The following CCDC154 variants were observed in gnomAD, a reference collection of about 807,000 sequenced individuals.
CCDC154 encodes coiled-coil domain containing 154.
In CCDC154, 91 loss-of-function variants were observed where a neutral mutation model predicts 87.5. The ratio of observed to expected loss-of-function variants is 1.04; its 90% confidence interval spans 0.88 to 1.24. The LOEUF (loss-of-function observed/expected upper bound fraction) is 1.24. Among genes scored for constraint, CCDC154 ranks in the 50% most tolerant of loss-of-function variants. The pLI is 0.00. For synonymous variants in CCDC154, 418 were observed against 400.4 expected (o/e 1.04, Z -0.52); for missense variants, 903 against 879.2 (o/e 1.03, Z -0.34).
At position 1,444,024 on chromosome 16, in the gene CCDC154, C is replaced by T. The variant is rs1488755893; in HGVS notation, c.8-12G>A. 4.6e-6 allele frequency: 6 copies of T among 1,296,286 alleles called. No homozygotes were observed. The highest frequency in any genetic ancestry group is 1.5e-5 in the African/African-American group (1 of 65,842). The allele number at this position is 1,296,286 out of a possible 1,614,324, so 80.3% of individuals were successfully genotyped here. ...ACTGTCAGCCAACTCTACAAGGAGGCATCTTGGGAGCTTGCCCCTTGGGGC... is the reference window on the plus strand; with the variant it reads ...ACTGTCAGCCAACTCTACAAGGAGGTATCTTGGGAGCTTGCCCCTTGGGGC... On this transcript the variant is annotated splice_polypyrimidine_tract_variant and intron_variant, in intron 1 of 16. Transcript: ENST00000389176.
intron 6 of CCDC154, among the ~76,000 whole-genome samples, chr16:1,442,188 T>C (rs568836789): frequency 7.1e-4 from 108 of 152,340 alleles, no homozygotes; most frequent in African/African-American, 2.4e-3. Flanking sequence ...AGTGCTGGGA[T>C]TACAGGCGTG....
chr16:1,442,459 T>C lies in CCDC154; in HGVS notation c.622A>G (p.Lys208Glu). Residue 208 changes from lysine to glutamate, a missense_variant, in exon 6 of 17, where the codon AAG becomes GAG. By Grantham distance (56) the Lys-to-Glu change is moderately conservative. Transcript: ENST00000389176. ...CTCCGGCTGCTGTCCTCTTGGTTCT[T>C]CTGCAGGGCGCCGCAGGCCACCTCC... Reference protein sequence around the residue: ...GREVACGALQKNQEDSSRRVD... With the variant: ...GREVACGALQENQEDSSRRVD... 6.5e-7 allele frequency: 1 copy of C among 1,550,154 alleles called. No individual in the cohort carries two copies. Among genetic ancestry groups the C allele is most frequent in the African/African-American group, 1.4e-5 (1 of 73,148 alleles).
At chr16:1,441,498 G>A (rs970672453) in intron 6 of CCDC154, among the ~76,000 whole-genome samples, 2 of 152,152 alleles carry the variant, frequency 1.3e-5, no homozygotes, top group African/African-American at 2.4e-5. Flanking sequence ...CACCCACAGC[G>A]GAGGCCCCTG....
rs928278647 is a variant in CCDC154 at position 1,444,010 on chromosome 16, A to G, written c.10T>C (p.Leu4=). The change falls in exon 2 of 17, where the codon TTG becomes CTG. Residue 4 remains leucine (L), a splice_region_variant and synonymous_variant. Transcript: ENST00000389176. The stretch of plus-strand genomic sequence containing the variant: ...GCCCCTGAGGGTCCACTGTCAGCCA[A>G]CTCTACAAGGAGGCATCTTGGGAGC... MSE[L]ADSGPSGASA... The G allele has an allele frequency of 6.4e-5, 83 of 1,298,802 alleles. No homozygotes were observed. Among genetic ancestry groups the G allele is most frequent in the Non-Finnish European group, 8.2e-5 (81 of 988,830 alleles). 80.5% of individuals were successfully genotyped at this position (1,298,802 alleles called of 1,614,324 possible).
rs775898545 is a variant in CCDC154, at chr16:1,443,706, C to T, written c.225-11G>A. 5.6e-4 allele frequency: 721 copies of T among 1,293,592 alleles called. No homozygotes were observed. Among genetic ancestry groups the T allele is most frequent in the Admixed American group, 7.7e-4 (33 of 42,928 alleles). 80.1% of individuals were successfully genotyped at this position (1,293,592 alleles called of 1,614,324 possible). On this transcript the variant is annotated splice_polypyrimidine_tract_variant and intron_variant, in intron 2 of 16. Transcript: ENST00000389176. ...TGCAGCTCCACCACCCTGGCCGGGG[C>T]GAGAGTGGGCGAGTCTGGCGGTGCC... is the stretch of plus-strand genomic sequence containing the variant.
chr16:1,442,829 CA>C, intron 5 of CCDC154, 50 bp downstream of exon 5: 1 of 1,507,542 alleles, frequency 6.6e-7, no homozygotes, highest in Non-Finnish European at 9.0e-7. Context: ...CAGGGACTCT[CA>C]AATGACCCCA....
Position 1,434,650 on chromosome 16 carries a change from G to A in CCDC154, c.1877+18C>T, listed in dbSNP as rs536424653. On this transcript the variant is annotated intron_variant, in intron 16 of 16. Coordinates refer to ENST00000389176, the MANE Select transcript of CCDC154 (RefSeq NM_001143980.3). Reference sequence around the variant, plus strand: ...GCCCAAAGGCCCAGGAGGCCGCGCCGGGATCCCTGCTGCCCACCTCACAGC... The same window carrying A: ...GCCCAAAGGCCCAGGAGGCCGCGCCAGGATCCCTGCTGCCCACCTCACAGC... 114 of 1,487,738 alleles carry A rather than the reference G, an allele frequency of 7.7e-5. No homozygotes were observed. The highest frequency in any genetic ancestry group is 3.1e-4 in the Admixed American group (15 of 48,814). The allele number at this position is 1,487,738 out of a possible 1,614,324, so 92.2% of individuals were successfully genotyped here. A position where few individuals can be genotyped will look rare whatever the true frequency, so the allele number is the denominator to read the frequency against.
At chr16:1,437,784 G>A in intron 11 of CCDC154, 33 bp downstream of exon 11, 3 of 1,509,606 alleles carry the variant, frequency 2.0e-6, no homozygotes, top group Non-Finnish European at 2.7e-6. Context: ...ACTCCCCATA[G>A]CCCCGCCTGC....
At chr16:1,435,232 C>T in intron 14 of CCDC154, 57 bp from the exon 15 acceptor site, 1 of 1,434,996 alleles carries the variant, frequency 7.0e-7, no homozygotes, top group South Asian at 1.2e-5. Flanking sequence ...ATCCTGCTGT[C>T]CCCACAGGCA....
chr16:1,435,333 G>A lies in CCDC154; in HGVS notation c.1606-158C>T, dbSNP rs1009918876. ...GTCCCCACTGCAGGGCCCAGGACAA[G>A]CTCCGCTGAGGAAGCGGCAGCCTGA... On this transcript the variant is annotated intron_variant, in intron 14 of 16. Coordinates refer to ENST00000389176, the MANE Select transcript of CCDC154 (RefSeq NM_001143980.3). The A allele has an allele frequency of 5.5e-5, 37 of 669,842 alleles. 1 individual carries two copies. In the South Asian group the frequency reaches 6.2e-4, roughly 11 times the overall value. 41.5% of individuals were successfully genotyped at this position (669,842 alleles called of 1,614,324 possible).
intron 11 of CCDC154, chr16:1,437,562 G>A (rs987764120): frequency 5.0e-5 from 23 of 459,114 alleles, no homozygotes; most frequent in Non-Finnish European, 6.9e-5. Flanking sequence ...CCGCATGGCC[G>A]GGCCGTGGGC....
intron 6 of CCDC154, chr16:1,439,329 G>A (rs1596204185): frequency 1.7e-6 from 1 of 592,372 alleles, no homozygotes; most frequent in Admixed American, 3.0e-5. Context: ...AACCAGGCAT[G>A]GGTTTGTGAA....
In CCDC154 at chr16:1,443,493, G is replaced by C; in HGVS notation, c.414+13C>G. On this transcript the variant is annotated intron_variant, in intron 3 of 16. Transcript: ENST00000389176. ...AAGGGGCAGCTCGACCTGTGGGTGG[G>C]GGAGCCGCTCACCTCCGGCGCCTCC... 1 of 1,452,368 alleles carries C rather than the reference G, an allele frequency of 6.9e-7. No homozygotes were observed. The highest frequency in any genetic ancestry group is 1.4e-5 in the South Asian group (1 of 69,772). 90.0% of individuals were successfully genotyped at this position (1,452,368 alleles called of 1,614,324 possible). A position where few individuals can be genotyped will look rare whatever the true frequency, so the allele number is the denominator to read the frequency against.
rs142964626 is a variant in CCDC154, at chr16:1,435,433, G to A, written c.1606-258C>T. On this transcript the variant is annotated intron_variant, in intron 14 of 16. Coordinates refer to ENST00000389176, the MANE Select transcript of CCDC154 (RefSeq NM_001143980.3). Reference sequence around the variant, plus strand: ...GTGGCTGCGGACGGCACCCCGGTGTGGGGGCTCCAGGCAGGTGCCTCCACT... The same window carrying A: ...GTGGCTGCGGACGGCACCCCGGTGTAGGGGCTCCAGGCAGGTGCCTCCACT... 1,300 of 553,180 alleles carry A rather than the reference G, an allele frequency of 2.4e-3. 8 individuals carry two copies. Among genetic ancestry groups the A allele is most frequent in the Non-Finnish European group, 3.8e-3 (1,187 of 311,058 alleles). 34.3% of individuals were successfully genotyped at this position (553,180 alleles called of 1,614,324 possible).
intron 9 of CCDC154, 191 bp from the exon 10 acceptor site, chr16:1,438,367 A>G: frequency 1.3e-6 from 1 of 793,208 alleles, no homozygotes; most frequent in Non-Finnish European, 1.9e-6. Context: ...TTCACTCCCC[A>G]CGGCCACCAA....
In CCDC154 at chr16:1,442,929, C is replaced by A; in HGVS notation, c.502G>T (p.Val168Leu). ...CCCCTTCTCTCCGCCTCCTGTTGCACCTGCCTCCTCCTGAGCCGGGTCAAG... is the reference window on the plus strand; with the variant it reads ...CCCCTTCTCTCCGCCTCCTGTTGCAACTGCCTCCTCCTGAGCCGGGTCAAG... ...EALTRLRRRQ[V>L]QQEAERRGAE... Residue 168 changes from valine (V) to leucine (L), a missense_variant, in exon 5 of 17, where the codon GTG (valine) becomes TTG (leucine). By Grantham distance (32) the Val-to-Leu change is conservative. Transcript: ENST00000389176. 1.3e-6 allele frequency: 2 copies of A among 1,550,030 alleles called. No homozygotes were observed. The highest frequency in any genetic ancestry group is 2.4e-5 in the South Asian group (2 of 84,064).
chr16:1,437,837 G>A lies in CCDC154; in HGVS notation c.1270C>T (p.Leu424=). The A allele has an allele frequency of 2.0e-6, 3 of 1,537,814 alleles. No homozygotes were observed. The highest frequency in any genetic ancestry group is 2.6e-6 in the Non-Finnish European group (3 of 1,145,244). ...SSRLDLQEQM[L]GLRLSEAKTE... ...CGCACCTCGGACAGCCTGAGGCCCA[G>A]CATCTGCTCCTGCAGATCGAGCCGG... Residue 424 remains leucine (L), a synonymous_variant, in exon 11 of 17, where the codon CTG becomes TTG. Transcript: ENST00000389176.
At chr16:1,438,433 G>C (rs2038521319) in intron 9 of CCDC154, 186 bp downstream of exon 9, 1 of 729,794 alleles carries the variant, frequency 1.4e-6, no homozygotes, top group South Asian at 1.9e-5. Context: ...GGCAGGCTGG[G>C]TGAGGGACAG....
Position 1,436,764 on chromosome 16 carries a change from C to T in CCDC154, c.1338G>A (p.Leu446=), listed in dbSNP as rs1306015783. The change falls in exon 12 of 17, where the codon CTG becomes CTA. Residue 446 remains leucine, a synonymous_variant. Coordinates refer to ENST00000389176, the MANE Select transcript of CCDC154 (RefSeq NM_001143980.3). ...CGGTCACCTCCTTCCGCCACCTGGCCAGGTCCTCCAGGGACTTCCTCTCTG... is the reference window on the plus strand; with the variant it reads ...CGGTCACCTCCTTCCGCCACCTGGCTAGGTCCTCCAGGGACTTCCTCTCTG... ...EGAERKSLED[L]ARWRKEVTEH... is the part of the protein sequence containing the mutation. 31 of 1,550,556 alleles carry T rather than the reference C, an allele frequency of 2.0e-5. No homozygotes were observed. The highest frequency in any genetic ancestry group is 2.5e-5 in the Non-Finnish European group (29 of 1,146,968).
Sources: allele counts gnomAD v4.1 joint callset (sites outside exome capture counted in the v4.1 genomes callset), GRCh38; gene constraint gnomAD v4.1.1; transcripts MANE v1.5; gene names NCBI Gene and HGNC (gene_info 2026-07-23, HGNC 2026-07-21).